ADRM1: variants seen among roughly 807,000 people sequenced by gnomAD.
ADRM1 encodes the protein ADRM1 26S proteasome ubiquitin receptor, also known as proteasomal ubiquitin receptor ADRM1.
ADRM1 carries 2 observed loss-of-function variants against 40.1 expected under a neutral mutation model. The observed-to-expected ratio is 0.05, with a 90% CI of 0.02 to 0.16. The LOEUF (loss-of-function observed/expected upper bound fraction) is 0.16, where lower values mean the gene tolerates loss of function less well. Among genes scored for constraint, ADRM1 ranks in the 10% least tolerant of loss-of-function variants. ADRM1 has a pLI of 1.00. For synonymous variants in ADRM1, 287 were observed against 240.4 expected (o/e 1.19, Z -1.79); for missense variants, 467 against 552.5 (o/e 0.85, Z 1.55).
intron 5 of ADRM1, among the ~76,000 whole-genome samples, chr20:62,307,031 G>A (rs1985094633): frequency 6.6e-6 from 1 of 152,168 alleles, no homozygotes; most frequent in South Asian, 2.1e-4. Flanking sequence ...GGGTCCCCTG[G>A]CCCTACATGG....
In ADRM1 at chr20:62,304,566, T is replaced by C; in HGVS notation, c.319T>C (p.Phe107Leu). 6.8e-6 allele frequency: 11 copies of C among 1,613,944 alleles called. No homozygotes were observed. The highest frequency in any genetic ancestry group is 8.5e-6 in the Non-Finnish European group (10 of 1,179,898). ...KFKAGSKRLF[F>L]WMQEPKTDQD... is the part of the protein sequence containing the mutation. ...CAAGGCAGGGTCCAAGCGGCTTTTC[T>C]TCTGGATGCAGGTATGGGGCAGGCC... The change falls in exon 3 of 10, where the codon TTC becomes CTC. Residue 107 changes from phenylalanine (F) to leucine (L), a missense_variant. Around this residue, in one of 3 missense-constraint regions of ADRM1, gnomAD observed 418 missense variants for 474.6 expected, o/e 0.88. Transcript: ENST00000253003.
intron 3 of ADRM1, chr20:62,305,970 C>T (rs987532638): frequency 1.8e-6 from 1 of 554,706 alleles, no homozygotes; most frequent in Non-Finnish European, 3.2e-6. Flanking sequence ...CAGGGCACAC[C>T]CGGGATTGCG....
chr20:62,307,900 A>T, intron 7 of ADRM1, 72 bp downstream of exon 7: 1 of 1,552,376 alleles, frequency 6.4e-7, no homozygotes, highest in Non-Finnish European at 8.7e-7. Flanking sequence ...TCACCTTCCA[A>T]GGCATCTGCC....
At chr20:62,304,765 G>C (rs887383580) in intron 3 of ADRM1, among the ~76,000 whole-genome samples, 188 bp downstream of exon 3, 7 of 152,254 alleles carry the variant, frequency 4.6e-5, no homozygotes, top group Non-Finnish European at 8.8e-5. Context: ...CCCAGAGTAC[G>C]GAGGCTCCAG....
At position 62,308,191 on chromosome 20, in the gene ADRM1, C is replaced by T. The variant is rs774276734; in HGVS notation, c.1014+13C>T. On this transcript the variant is annotated intron_variant, in intron 8 of 9. Coordinates refer to ENST00000253003, the MANE Select transcript of ADRM1 (RefSeq NM_007002.4). ...CCAGTTCCAGCAGGTAGAGGCCGGG[C>T]CCAGGGTGTCCTCCACTGTGTGCTC... 6.9e-6 allele frequency: 11 copies of T among 1,595,118 alleles called. No individual in the cohort carries two copies. Among genetic ancestry groups the T allele is most frequent in the South Asian group, 1.1e-5 (1 of 90,316 alleles).
chr20:62,304,697 A>G, intron 3 of ADRM1, 120 bp downstream of exon 3: 1 of 963,024 alleles, frequency 1.0e-6, no homozygotes. Flanking sequence ...ACCCGGCCAC[A>G]CGGCCTGAGA....
At chr20:62,304,435 G>T in intron 2 of ADRM1, 26 bp from the exon 3 acceptor site, 2 of 1,595,384 alleles carry the variant, frequency 1.3e-6, no homozygotes, top group South Asian at 1.1e-5. Flanking sequence ...CTGCGCCACT[G>T]ACTCTCTCTT....
Position 62,307,578 on chromosome 20 carries a change from T to TGC in ADRM1, c.624-17_624-16dup, listed in dbSNP as rs1316668904. 2 of 1,607,438 alleles carry TGC rather than the reference T, an allele frequency of 1.2e-6. No individual in the cohort carries two copies. Among genetic ancestry groups the TGC allele is most frequent in the African/African-American group, 2.7e-5 (2 of 74,894 alleles). ...GTGTGGGGCGTGTCCGCTCCAGCGG[T>TGC]GCCCTCTCTCTTCGCAGCTCCCGGA... On this transcript the variant is annotated splice_polypyrimidine_tract_variant and intron_variant, in intron 6 of 9. Transcript: ENST00000253003.
At chr20:62,307,852 C>G in intron 7 of ADRM1, 24 bp downstream of exon 7, 2 of 1,582,560 alleles carry the variant, frequency 1.3e-6, no homozygotes, top group Non-Finnish European at 1.7e-6. Context: ...TCGCCTGGAG[C>G]TGGGTGGGGG....
Position 62,307,762 on chromosome 20 carries a change from C to T in ADRM1, c.790C>T (p.Leu264=). The part of the protein sequence containing the change: ...TAASPTQPIQ[L]SDLQSILATM... ...AGCCAGCCCGACCCAGCCCATCCAG[C>T]TGAGCGACCTCCAGAGCATCCTGGC... The change falls in exon 7 of 10, where the codon CTG becomes TTG. Residue 264 remains leucine, a synonymous_variant. Transcript: ENST00000253003. 3.1e-6 allele frequency: 5 copies of T among 1,611,902 alleles called. No homozygotes were observed. Among genetic ancestry groups the T allele is most frequent in the Non-Finnish European group, 4.2e-6 (5 of 1,179,772 alleles).
Position 62,306,830 on chromosome 20 carries a change from G to A in ADRM1, c.541+96G>A, listed in dbSNP as rs372563468. ...TTAAACTTCTGCTGGCTCTGTCTGC[G>A]TAGTGTCGGGGAGCCTGTGTGTCCG... On this transcript the variant is annotated intron_variant, in intron 5 of 9. Transcript: ENST00000253003. 1.4e-4 allele frequency: 169 copies of A among 1,198,968 alleles called. 2 individuals are homozygous for A. The East Asian group carries it at 1.5e-3, about 11-fold the overall frequency. The allele number at this position is 1,198,968 out of a possible 1,614,324, so 74.3% of individuals were successfully genotyped here. A position where few individuals can be genotyped will look rare whatever the true frequency, so the allele number is the denominator to read the frequency against.
In ADRM1 at chr20:62,307,414, GGGGAGCAGTGGGCCTCCA is replaced by G; in HGVS notation, c.594_611del (p.Gly199_Ser204del). The G allele has an allele frequency of 6.2e-7, 1 of 1,606,484 alleles. No individual in the cohort carries two copies. The highest frequency in any genetic ancestry group is 8.5e-7 in the Non-Finnish European group (1 of 1,178,386). On this transcript the variant is annotated inframe_deletion, in exon 6 of 10. Coordinates refer to ENST00000253003, the MANE Select transcript of ADRM1 (RefSeq NM_007002.4). ...CTGGACCTGGCCTGGCCAGCTTACT[GGGGAGCAGTGGGCCTCCA>G]GGGAGCAGCTCCTCCTCCAGGTGAG... is the stretch of plus-strand genomic sequence containing the variant.
chr20:62,307,528 C>T lies in ADRM1; in HGVS notation c.624-68C>T, dbSNP rs771900417. ...CAGTGGGGAATCCTGGCCCAGCACCCTGGACCCTGCGAGTAGGCCCTGCCG... is the reference window on the plus strand; with the variant it reads ...CAGTGGGGAATCCTGGCCCAGCACCTTGGACCCTGCGAGTAGGCCCTGCCG... On this transcript the variant is annotated intron_variant, in intron 6 of 9. Coordinates refer to ENST00000253003, the MANE Select transcript of ADRM1 (RefSeq NM_007002.4). 5.6e-6 allele frequency: 9 copies of T among 1,599,018 alleles called. No individual in the cohort carries two copies. In the Admixed American group the frequency reaches 1.5e-4, roughly 27 times the overall value.
rs1425458203 is a variant in ADRM1, at chr20:62,308,052, A to G, written c.888A>G (p.Ile296Met). ...VDLASVLTPE[I>M]MAPILANADV... is the part of the protein sequence containing the mutation. ...TGGCCAGTGTGCTGACGCCGGAGAT[A>G]ATGGCTCCCATCCTCGCCAACGCGG... The change falls in exon 8 of 10, where the codon ATA (isoleucine) becomes ATG (methionine). Residue 296 changes from isoleucine (I) to methionine (M), a missense_variant. This residue lies in a region of ADRM1 where 418 missense variants were observed against 474.6 expected (regional missense o/e 0.88). Coordinates refer to ENST00000253003, the MANE Select transcript of ADRM1 (RefSeq NM_007002.4). 2.5e-6 allele frequency: 4 copies of G among 1,611,516 alleles called. No homozygotes were observed. The highest frequency in any genetic ancestry group is 2.2e-5 in the East Asian group (1 of 44,850).
Position 62,307,462 on chromosome 20 carries a change from A to G in ADRM1, c.623+10A>G, listed in dbSNP as rs2146007110. Reference sequence around the variant, plus strand: ...GCAGCTCCTCCTCCAGGTGAGCCTCATCGCTCCTGCCACGCAGGTGCCACG... The same window carrying G: ...GCAGCTCCTCCTCCAGGTGAGCCTCGTCGCTCCTGCCACGCAGGTGCCACG... On this transcript the variant is annotated intron_variant, in intron 6 of 9. Coordinates refer to ENST00000253003, the MANE Select transcript of ADRM1 (RefSeq NM_007002.4). 2 of 1,608,096 alleles carry G rather than the reference A, an allele frequency of 1.2e-6. No individual in the cohort carries two copies. The highest frequency in any genetic ancestry group is 1.7e-6 in the Non-Finnish European group (2 of 1,179,560).
At chr20:62,304,876 C>G (rs554599009) in intron 3 of ADRM1, among the ~76,000 whole-genome samples, 54 of 152,342 alleles carry the variant, frequency 3.5e-4, no homozygotes, top group African/African-American at 1.2e-3. Context: ...TGCCCCTTGC[C>G]GTGGGTCACT....
At chr20:62,307,855 G>A (rs773576089) in intron 7 of ADRM1, 27 bp downstream of exon 7, 1 of 1,580,468 alleles carries the variant, frequency 6.3e-7, no homozygotes, top group Non-Finnish European at 8.6e-7. Context: ...CCTGGAGCTG[G>A]GTGGGGGGCA....
At position 62,303,605 on chromosome 20, in the gene ADRM1, C is replaced by G. The variant is rs760882891; in HGVS notation, c.37C>G (p.Pro13Ala). 5 of 1,601,432 alleles carry G rather than the reference C, an allele frequency of 3.1e-6. No individual in the cohort carries two copies. The South Asian group carries it at 5.5e-5, about 18-fold the overall frequency. Reference protein sequence around the residue: ...TSGALFPSLVPGSRGASNKYL... With the variant: ...TSGALFPSLVAGSRGASNKYL... ...AGGCGCGCTCTTTCCAAGCCTGGTG[C>G]CAGGCTCTCGGGGCGCCTCCAACAA... The change falls in exon 2 of 10, where the codon CCA becomes GCA. Residue 13 changes from proline to alanine, a missense_variant. Transcript: ENST00000253003.
At chr20:62,307,330 C>T (rs754795863) in intron 5 of ADRM1, 41 bp from the exon 6 acceptor site, 79 of 1,576,730 alleles carry the variant, frequency 5.0e-5, no homozygotes, top group Non-Finnish European at 6.4e-5. Flanking sequence ...TTCTGGTGGG[C>T]TAGAGGGCAT....
Sources: gnomAD v4.1 joint callset for allele counts (sites outside exome capture counted in the v4.1 genomes callset) on GRCh38, gnomAD v4.1.1 for gene constraint, gnomAD v4.1.1 regional missense constraint, MANE v1.5 for transcripts, NCBI Gene and HGNC (gene_info 2026-07-23, HGNC 2026-07-21) for gene names.